The following SLC35F1 variants were observed in gnomAD, a reference collection of about 807,000 sequenced individuals.
SLC35F1 encodes solute carrier family 35 member F1, also known as chromosome 6 open reading frame 169.
SLC35F1 carries 14 observed loss-of-function variants against 48.7 expected under a neutral mutation model. That is an observed-to-expected ratio of 0.29 (90% CI 0.19 to 0.45). The LOEUF (loss-of-function observed/expected upper bound fraction) is 0.45. Ranked by LOEUF, SLC35F1 falls within the 20% of genes least tolerant of loss-of-function variation. The pLI, the probability that SLC35F1 is intolerant of heterozygous loss-of-function variation, is 1.00. For synonymous variants in SLC35F1, 190 were observed against 202.2 expected, an observed-to-expected ratio of 0.94 and a Z score of 0.51; for missense variants, 404 against 500.0, an observed-to-expected ratio of 0.81 and a Z score of 1.83.
chr6:118,072,538 T>C (rs894512456), intron 1 of SLC35F1, among the ~76,000 whole-genome samples: 2 of 152,108 alleles, frequency 1.3e-5, no homozygotes, highest in African/African-American at 4.8e-5. Flanking sequence ...CACTCCAGCC[T>C]GGGCGACAGA....
At chr6:118,176,880 T>A (rs944947785) in intron 2 of SLC35F1, among the ~76,000 whole-genome samples, 1 of 152,074 alleles carries the variant, frequency 6.6e-6, no homozygotes, top group Non-Finnish European at 1.5e-5. Context: ...GTGCTTGTTT[T>A]TTTTGTATAC....
At chr6:118,310,048 A>G (rs1189635406) in intron 7 of SLC35F1, among the ~76,000 whole-genome samples, 1 of 152,260 alleles carries the variant, frequency 6.6e-6, no homozygotes. Context: ...GATCCTGTTA[A>G]TATAGGATGT....
chr6:118,277,151 A>T (rs1775927626), intron 5 of SLC35F1, among the ~76,000 whole-genome samples: 1 of 152,188 alleles, frequency 6.6e-6, no homozygotes, highest in Non-Finnish European at 1.5e-5. Flanking sequence ...AATTGATTAC[A>T]CCTGCAAGCA....
intron 1 of SLC35F1, among the ~76,000 whole-genome samples, chr6:118,114,447 T>G (rs1371238948): frequency 6.6e-6 from 1 of 152,122 alleles, no homozygotes; most frequent in African/African-American, 2.4e-5. Flanking sequence ...TTCTAGTGGC[T>G]CAAACTCTCA....
At chr6:118,131,762 A>G (rs2114423478) in intron 1 of SLC35F1, among the ~76,000 whole-genome samples, 1 of 117,364 alleles carries the variant, frequency 8.5e-6, no homozygotes, top group East Asian at 2.3e-4. Context: ...AGATAGGTGA[A>G]TTTACTCCAT....
chr6:118,026,369 T>C (rs183207848), intron 1 of SLC35F1, among the ~76,000 whole-genome samples: 20 of 152,296 alleles, frequency 1.3e-4, no homozygotes, highest in African/African-American at 4.8e-4. Context: ...TGTTTTCTTT[T>C]TGTGTGAATT....
At chr6:118,302,110 T>C (rs1290607421) in intron 7 of SLC35F1, among the ~76,000 whole-genome samples, 3 of 152,154 alleles carry the variant, frequency 2.0e-5, no homozygotes, top group African/African-American at 7.2e-5. Flanking sequence ...GCCGTATCTA[T>C]TAGTTTTGTT....
chr6:118,306,385 C>T (rs576226655), intron 7 of SLC35F1, among the ~76,000 whole-genome samples: 7 of 152,330 alleles, frequency 4.6e-5, no homozygotes, highest in African/African-American at 1.7e-4. Context: ...GCAGAAGTCT[C>T]TGGGATCTGT....
rs537206216 is a variant in SLC35F1, at chr6:118,013,246, G to A, written c.173+105347G>A. Reference sequence around the variant, plus strand: ...TGAGCTCACCCCAGTGCCCATGTGGGGACTTTGAAGCTCGTCCAGGTGCCA... The same window carrying A: ...TGAGCTCACCCCAGTGCCCATGTGGAGACTTTGAAGCTCGTCCAGGTGCCA... On this transcript the variant is annotated intron_variant, in intron 1 of 7. Transcript: ENST00000360388. Among the ~76,000 whole-genome samples the A allele has an allele frequency of 2.1e-4, 32 of 152,228 alleles. No individual in the cohort carries two copies. In the South Asian group the frequency reaches 5.0e-3, roughly 24 times the overall value.
chr6:118,036,830 G>A lies in SLC35F1; in HGVS notation c.174-117615G>A, dbSNP rs138193631. Among the ~76,000 whole-genome samples the A allele has an allele frequency of 1.4e-4, 21 of 152,250 alleles. No individual in the cohort carries two copies. In the East Asian group the frequency reaches 3.5e-3, roughly 25 times the overall value. ...CCTGCCTTGGCCTCCCAATATGCTGGGATTACAGGTGTAAGCCACCATGGC... is the reference window on the plus strand; with the variant it reads ...CCTGCCTTGGCCTCCCAATATGCTGAGATTACAGGTGTAAGCCACCATGGC... On this transcript the variant is annotated intron_variant, in intron 1 of 7. Coordinates refer to ENST00000360388, the MANE Select transcript of SLC35F1 (RefSeq NM_001029858.4).
Position 118,212,851 on chromosome 6 carries a change from A to G in SLC35F1, c.350-22658A>G, listed in dbSNP as rs563815187. Among the ~76,000 whole-genome samples the G allele has an allele frequency of 6.6e-5, 10 of 152,244 alleles. No individual in the cohort carries two copies. The South Asian group carries it at 1.9e-3, about 28-fold the overall frequency. ...GCACTATTATAAACTATTTAGGACAATAATTTATCTAGTTTTCTTATAGGA... is the reference window on the plus strand; with the variant it reads ...GCACTATTATAAACTATTTAGGACAGTAATTTATCTAGTTTTCTTATAGGA... On this transcript the variant is annotated intron_variant, in intron 2 of 7. Transcript: ENST00000360388.
chr6:118,034,555 C>T (rs1011830432), intron 1 of SLC35F1, among the ~76,000 whole-genome samples: 2 of 151,828 alleles, frequency 1.3e-5, no homozygotes, highest in African/African-American at 4.8e-5. Context: ...GAGACTCTAT[C>T]ACAAAATAAA....
chr6:118,238,109 T>G (rs1380093388), intron 3 of SLC35F1, among the ~76,000 whole-genome samples: 2 of 152,136 alleles, frequency 1.3e-5, no homozygotes, highest in Non-Finnish European at 2.9e-5. Flanking sequence ...TTTCTCTCTC[T>G]TAAACACACA....
At chr6:118,009,785 A>G (rs2114875207) in intron 1 of SLC35F1, among the ~76,000 whole-genome samples, 1 of 152,090 alleles carries the variant, frequency 6.6e-6, no homozygotes, top group Admixed American at 6.5e-5. Context: ...TTTTATTCTC[A>G]TTTTCTTAAA....
chr6:117,946,694 G>C (rs1395343320), intron 1 of SLC35F1, among the ~76,000 whole-genome samples: 1 of 152,176 alleles, frequency 6.6e-6, no homozygotes, highest in Non-Finnish European at 1.5e-5. Flanking sequence ...CTTTGATACA[G>C]TACCAAAGAA....
chr6:118,117,945 A>T (rs1773496041), intron 1 of SLC35F1, among the ~76,000 whole-genome samples: 1 of 152,152 alleles, frequency 6.6e-6, no homozygotes, highest in South Asian at 2.1e-4. Context: ...GTGTTTCATG[A>T]TACGAATATA....
intron 1 of SLC35F1, among the ~76,000 whole-genome samples, chr6:118,089,290 C>G (rs1156866542): frequency 6.6e-6 from 1 of 152,124 alleles, no homozygotes; most frequent in African/African-American, 2.4e-5. Flanking sequence ...TAGATACTAA[C>G]TGGGGATTTT....
chr6:117,995,394 A>C lies in SLC35F1; in HGVS notation c.173+87495A>C, dbSNP rs138737828. Among the ~76,000 whole-genome samples, 40 of 152,338 alleles carry C rather than the reference A, an allele frequency of 2.6e-4. No homozygotes were observed. In the East Asian group the frequency reaches 4.6e-3, roughly 18 times the overall value. On this transcript the variant is annotated intron_variant, in intron 1 of 7. Coordinates refer to ENST00000360388, the MANE Select transcript of SLC35F1 (RefSeq NM_001029858.4). ...ATGTTGTCTTGTATACCTGACACCT[A>C]GGACCAGACATATGGCAAATGCTAA... is the stretch of plus-strand genomic sequence containing the variant.
At chr6:117,925,310 G>T (rs1300266269) in intron 1 of SLC35F1, among the ~76,000 whole-genome samples, 2 of 152,124 alleles carry the variant, frequency 1.3e-5, no homozygotes, top group African/African-American at 4.8e-5. Context: ...TGGGGGAGGA[G>T]CTGTCCCTTT....
Sources: gnomAD v4.1 joint callset for allele counts (sites outside exome capture counted in the v4.1 genomes callset) on GRCh38, gnomAD v4.1.1 for gene constraint, MANE v1.5 for transcripts, NCBI Gene and HGNC (gene_info 2026-07-23, HGNC 2026-07-21) for gene names.